The following KCNK9 variants were observed in gnomAD, a reference collection of about 807,000 sequenced individuals.
KCNK9 encodes the protein potassium channel subfamily K member 9.
KCNK9 carries 1 observed loss-of-function variant against 10.8 expected under a neutral mutation model. The ratio of observed to expected loss-of-function variants is 0.09; its 90% CI spans 0.03 to 0.44. The LOEUF (loss-of-function observed/expected upper bound fraction) is 0.44, where lower values mean the gene tolerates loss of function less well. Ranked by LOEUF, KCNK9 falls within the 20% of genes least tolerant of loss-of-function variation. The pLI is 0.97. For synonymous variants in KCNK9, 231 were observed against 222.7 expected (o/e 1.04, Z -0.33); for missense variants, 303 against 515.0 (o/e 0.59, Z 3.98).
chr8:139,666,869 C>G (rs1000271430), intron 1 of KCNK9, among the ~76,000 whole-genome samples: 4 of 152,260 alleles, frequency 2.6e-5, no homozygotes, highest in African/African-American at 7.2e-5. Flanking sequence ...AGGTAAGACC[C>G]AAGCTGGGCA....
At chr8:139,640,668 C>T (rs988076642) in intron 1 of KCNK9, among the ~76,000 whole-genome samples, 2 of 152,240 alleles carry the variant, frequency 1.3e-5, no homozygotes, top group African/African-American at 4.8e-5. Context: ...CAAGGACAAC[C>T]CTGGACGGGA....
intron 1 of KCNK9, among the ~76,000 whole-genome samples, chr8:139,698,826 G>T (rs558340033): frequency 1.3e-5 from 2 of 152,302 alleles, no homozygotes; most frequent in African/African-American, 4.8e-5. Context: ...TTAAGGTGCC[G>T]TTTATGAATG....
chr8:139,613,659 C>T (rs994438592), downstream of KCNK9, among the ~76,000 whole-genome samples: 5 of 152,202 alleles, frequency 3.3e-5, no homozygotes, highest in Admixed American at 6.5e-5. Flanking sequence ...CAAGCTGTCT[C>T]GTTGTGTTGA....
chr8:139,644,283 G>A (rs1815602647), intron 1 of KCNK9, among the ~76,000 whole-genome samples: 1 of 152,224 alleles, frequency 6.6e-6, no homozygotes. Flanking sequence ...TGTCTCGGCA[G>A]CCATGGATAT....
intron 1 of KCNK9, among the ~76,000 whole-genome samples, chr8:139,621,354 G>T (rs968193708): frequency 2.0e-5 from 3 of 150,854 alleles, no homozygotes; most frequent in East Asian, 3.9e-4. Flanking sequence ...AAGAAATTCA[G>T]TGAACCCCAG....
intron 1 of KCNK9, among the ~76,000 whole-genome samples, chr8:139,642,182 G>A (rs933180094): frequency 2.0e-5 from 3 of 152,146 alleles, no homozygotes; most frequent in Non-Finnish European, 4.4e-5. Flanking sequence ...CAGGGGCAGC[G>A]CTTCCCCCAC....
chr8:139,697,224 TG>T (rs893276013), intron 1 of KCNK9, among the ~76,000 whole-genome samples: 1 of 146,300 alleles, frequency 6.8e-6, no homozygotes, highest in African/African-American at 2.6e-5. Flanking sequence ...GGTGTATGGA[TG>T]GGTGAGTGGG....
rs1816815591 is a variant in KCNK9 at position 139,687,371 on chromosome 8, T to TACAC, written c.283+15338_283+15339insGTGT. Among the ~76,000 whole-genome samples the TACAC allele has an allele frequency of 4.3e-5, 6 of 138,610 alleles. 1 individual carries two copies. The highest frequency in any genetic ancestry group is 1.1e-4 in the African/African-American group (4 of 37,810). The allele number at this position is 138,610 out of a possible 152,430, so 90.9% of individuals were successfully genotyped here. A position where few individuals can be genotyped will look rare whatever the true frequency, so the allele number is the denominator to read the frequency against. On this transcript the variant is annotated intron_variant, in intron 1 of 1. Coordinates refer to ENST00000520439, the MANE Select transcript of KCNK9 (RefSeq NM_001282534.2). ...ATATATATGTATACATATATATGTG[T>TACAC]ATACATATATATGAATATATATGTG... is the stretch of plus-strand genomic sequence containing the variant.
chr8:139,604,670 G>A (rs1010239027), intron 2 of KCNK9, among the ~76,000 whole-genome samples: 56 of 152,272 alleles, frequency 3.7e-4, no homozygotes, highest in African/African-American at 1.2e-3. Context: ...GGAACACCCC[G>A]GAGTAAGTTT....
In KCNK9 at chr8:139,618,970, T is replaced by C; in HGVS notation, c.413A>G (p.Tyr138Cys). Residue 138 changes from tyrosine to cysteine, a missense_variant, in exon 2 of 2, where the codon TAC becomes TGC. Coordinates refer to ENST00000520439, the MANE Select transcript of KCNK9 (RefSeq NM_001282534.2). The surrounding 1 kb of genome is among the most constrained non-coding windows in gnomAD (Gnocchi z 7.9). ...LGERMNTFVR[Y>C]LLKRIKKCCG... Reference sequence around the variant, plus strand: ...GCACTTCTTAATGCGCTTCAGCAGGTAGCGCACGAAGGTGTTCATGCGCTC... The same window carrying C: ...GCACTTCTTAATGCGCTTCAGCAGGCAGCGCACGAAGGTGTTCATGCGCTC... The C allele has an allele frequency of 6.2e-7, 1 of 1,614,228 alleles. No individual in the cohort carries two copies. Among genetic ancestry groups the C allele is most frequent in the Non-Finnish European group, 8.5e-7 (1 of 1,180,024 alleles).
At chr8:139,628,434 G>T (rs1016849288) in intron 1 of KCNK9, among the ~76,000 whole-genome samples, 1 of 152,216 alleles carries the variant, frequency 6.6e-6, no homozygotes, top group African/African-American at 2.4e-5. Context: ...CAATCGCCAT[G>T]GAGAACTTGA....
intron 1 of KCNK9, among the ~76,000 whole-genome samples, chr8:139,635,497 T>G (rs1345664136): frequency 6.6e-6 from 1 of 152,212 alleles, no homozygotes; most frequent in Non-Finnish European, 1.5e-5. Context: ...GCCCACCTCA[T>G]GTATCAGCTA....
At position 139,618,085 on chromosome 8, in the gene KCNK9, C is replaced by G; in HGVS notation, c.*173G>C. On this transcript the variant is annotated 3_prime_UTR_variant, in exon 2 of 2. Coordinates refer to ENST00000520439, the MANE Select transcript of KCNK9 (RefSeq NM_001282534.2). This position sits in a 1 kb window ranked among gnomAD's most constrained non-coding sequence, Gnocchi z 7.9. ...TGTATTTCCCTTTGGCCTGCTCTGT[C>G]TGGCTGGAAAGGTGGGGGAAAATGA... 2 of 873,220 alleles carry G rather than the reference C, an allele frequency of 2.3e-6. No homozygotes were observed. The highest frequency in any genetic ancestry group is 3.5e-6 in the Non-Finnish European group (2 of 574,898). 54.1% of individuals were successfully genotyped at this position (873,220 alleles called of 1,614,324 possible).
At chr8:139,658,776 G>A (rs1360553591) in intron 1 of KCNK9, among the ~76,000 whole-genome samples, 2 of 152,230 alleles carry the variant, frequency 1.3e-5, no homozygotes, top group African/African-American at 2.4e-5. Flanking sequence ...CCAAGTGCAG[G>A]GCCAGTGTCC....
chr8:139,689,054 A>T (rs1449431204), intron 1 of KCNK9, among the ~76,000 whole-genome samples: 2 of 152,156 alleles, frequency 1.3e-5, no homozygotes, highest in Non-Finnish European at 2.9e-5. Context: ...TAAGGAGAGG[A>T]GATTAGGACC....
chr8:139,611,571 G>C (rs1196066874), downstream of KCNK9: 1 of 152,352 alleles, frequency 6.6e-6, no homozygotes, highest in Non-Finnish European at 1.5e-5. Flanking sequence ...AGAAAACAGT[G>C]TGGACCCAGT....
intron 1 of KCNK9, among the ~76,000 whole-genome samples, chr8:139,620,045 T>C (rs1814729440): frequency 1.3e-5 from 2 of 152,182 alleles, no homozygotes; most frequent in African/African-American, 4.8e-5. Flanking sequence ...CTGTATTTCC[T>C]CACATTCGAA....
rs1181878569 is a variant in KCNK9, at chr8:139,687,374, A to ACATATATATT, written c.283+15335_283+15336insAATATATATG. 5.1e-5 allele frequency among the ~76,000 whole-genome samples: 7 copies of ACATATATATT among 137,696 alleles called. 1 individual carries two copies. The highest frequency in any genetic ancestry group is 6.2e-5 in the Non-Finnish European group (4 of 64,422). The allele number at this position is 137,696 out of a possible 152,430, so 90.3% of individuals were successfully genotyped here. A position where few individuals can be genotyped will look rare whatever the true frequency, so the allele number is the denominator to read the frequency against. ...TATATGTATACATATATATGTGTAT[A>ACATATATATT]CATATATATGAATATATATGTGTAT... On this transcript the variant is annotated intron_variant, in intron 1 of 1. Transcript: ENST00000520439.
chr8:139,684,542 G>A (rs1373119023), intron 1 of KCNK9, among the ~76,000 whole-genome samples: 1 of 152,030 alleles, frequency 6.6e-6, no homozygotes, highest in Non-Finnish European at 1.5e-5. Flanking sequence ...TAAAAAAGCA[G>A]GTACAGCAAT....
Sources: gnomAD v4.1 joint callset for allele counts (sites outside exome capture counted in the v4.1 genomes callset) on GRCh38, gnomAD v4.1.1 for gene constraint, Gnocchi (gnomAD v3.1) non-coding constraint, MANE v1.5 for transcripts, NCBI Gene and HGNC (gene_info 2026-07-23, HGNC 2026-07-21) for gene names.